TSHZ2: variants seen among roughly 807,000 people sequenced by gnomAD.
TSHZ2 encodes the protein teashirt homolog 2.
Under a neutral mutation model 74.4 loss-of-function variants are expected in TSHZ2, and 21 were observed. The ratio of observed to expected loss-of-function variants is 0.28; its 90% CI spans 0.20 to 0.41. The LOEUF is 0.41. Ranked by LOEUF, TSHZ2 falls within the 10% of genes least tolerant of loss-of-function variation. The pLI is 1.00. For synonymous variants in TSHZ2, 540 were observed against 515.3 expected, an observed-to-expected ratio of 1.05 and a Z score of -0.65; for missense variants, 1,244 against 1,293.5, an observed-to-expected ratio of 0.96 and a Z score of 0.59.
intron 2 of TSHZ2, among the ~76,000 whole-genome samples, chr20:53,271,325 C>T (rs939742880): frequency 6.6e-6 from 1 of 152,206 alleles, no homozygotes; most frequent in Non-Finnish European, 1.5e-5. Flanking sequence ...TATCAAGCAG[C>T]AGCAGGAAGG....
chr20:53,469,045 T>TATATATATATATATA (rs1985655239), intron 2 of TSHZ2, among the ~76,000 whole-genome samples: 4 of 49,112 alleles, frequency 8.1e-5, no homozygotes, highest in Non-Finnish European at 1.2e-4. Flanking sequence ...AATCGATATT[T>TATATATATATATATA]TATATATATA....
intron 2 of TSHZ2, among the ~76,000 whole-genome samples, chr20:53,318,299 G>T (rs892716073): frequency 6.6e-6 from 1 of 152,116 alleles, no homozygotes; most frequent in Non-Finnish European, 1.5e-5. Context: ...CTGGAAACAG[G>T]CACTTTATAA....
intron 1 of TSHZ2, among the ~76,000 whole-genome samples, chr20:53,016,210 T>C (rs1338232735): frequency 6.6e-6 from 1 of 152,180 alleles, no homozygotes; most frequent in East Asian, 1.9e-4. Flanking sequence ...CATTTTCCAA[T>C]TCAATCATTC....
At chr20:53,050,638 T>A (rs1342844577) in intron 1 of TSHZ2, among the ~76,000 whole-genome samples, 1 of 152,086 alleles carries the variant, frequency 6.6e-6, no homozygotes, top group Non-Finnish European at 1.5e-5. Flanking sequence ...GAAAGTTGAG[T>A]TGAGTTGGTT....
intron 1 of TSHZ2, among the ~76,000 whole-genome samples, chr20:53,180,280 A>G (rs938777452): frequency 1.3e-5 from 2 of 152,200 alleles, no homozygotes; most frequent in Non-Finnish European, 2.9e-5. Context: ...ACATTTTTGC[A>G]TTTGGGTAGA....
At chr20:53,473,022 G>A (rs140265719) in intron 2 of TSHZ2, among the ~76,000 whole-genome samples, 8 of 150,122 alleles carry the variant, frequency 5.3e-5, no homozygotes, top group East Asian at 2.0e-4. Context: ...ACGGAGTCTC[G>A]CTGATTGCTA....
rs181690725 is a variant in TSHZ2 at position 53,244,278 on chromosome 20, C to T, written c.41-9221C>T. On this transcript the variant is annotated intron_variant, in intron 1 of 2. Transcript: ENST00000371497. The stretch of plus-strand genomic sequence containing the variant: ...GTGAGTGTGTTTATATATCCTTATG[C>T]GGAATAAACGTATAGAAAATAAGCA... 4.1e-3 allele frequency among the ~76,000 whole-genome samples: 625 copies of T among 152,070 alleles called. 1 individual carries two copies. The highest frequency in any genetic ancestry group is 0.02 in the Middle Eastern group (6 of 294).
intron 1 of TSHZ2, among the ~76,000 whole-genome samples, chr20:53,226,157 C>CACAT (rs1989682871): frequency 1.6e-5 from 2 of 128,736 alleles, no homozygotes; most frequent in South Asian, 4.7e-4. Context: ...CACACACACA[C>CACAT]ACATGCACAC....
In TSHZ2 at chr20:53,413,458, C is replaced by A. The variant is rs528819505; in HGVS notation, c.*9-73686C>A. On this transcript the variant is annotated intron_variant, in intron 2 of 2. Coordinates refer to ENST00000371497, the MANE Select transcript of TSHZ2 (RefSeq NM_173485.6). ...AGCGGGAGATCACGTGAGCTACTAG[C>A]TTTGAATCTTAGTTCTACCACTTGC... Among the ~76,000 whole-genome samples, 95 of 152,228 alleles carry A rather than the reference C, an allele frequency of 6.2e-4. 1 individual carries two copies. Among genetic ancestry groups the A allele is most frequent in the Non-Finnish European group, 9.7e-4 (66 of 68,036 alleles).
At position 53,101,964 on chromosome 20, in the gene TSHZ2, GTTGGAATATCCC is replaced by G. The variant is rs1986231031; in HGVS notation, c.40+128633_40+128644del. 4.1e-5 allele frequency among the ~76,000 whole-genome samples: 6 copies of G among 148,026 alleles called. No individual in the cohort carries two copies. The South Asian group carries it at 1.3e-3, about 31-fold the overall frequency. ...GCGTCTTTTGAAATTTGTCCTCATTGTTGGAATATCCCTATGAGGACTTTTTTTTAATTTGGT... is the reference window on the plus strand; with the variant it reads ...GCGTCTTTTGAAATTTGTCCTCATTGTATGAGGACTTTTTTTTAATTTGGT... On this transcript the variant is annotated intron_variant, in intron 1 of 2. Coordinates refer to ENST00000371497, the MANE Select transcript of TSHZ2 (RefSeq NM_173485.6).
chr20:53,305,092 C>T (rs755030356), intron 2 of TSHZ2, among the ~76,000 whole-genome samples: 5 of 151,326 alleles, frequency 3.3e-5, no homozygotes, highest in Non-Finnish European at 7.4e-5. Context: ...CCCTCCACCA[C>T]GCCTGACTAA....
At chr20:53,472,509 A>G (rs141148136) in intron 2 of TSHZ2, among the ~76,000 whole-genome samples, 1 of 152,286 alleles carries the variant, frequency 6.6e-6, no homozygotes, top group East Asian at 1.9e-4. Flanking sequence ...TTATTGAAGT[A>G]GTTGTGAGAT....
chr20:53,230,790 G>T (rs982858737), intron 1 of TSHZ2, among the ~76,000 whole-genome samples: 13 of 151,950 alleles, frequency 8.6e-5, no homozygotes, highest in South Asian at 4.2e-4. Context: ...TACTCAGGAG[G>T]CTGAGGCAGG....
chr20:53,045,041 A>G (rs1984178149), intron 1 of TSHZ2, among the ~76,000 whole-genome samples: 1 of 152,140 alleles, frequency 6.6e-6, no homozygotes, highest in South Asian at 2.1e-4. Context: ...TCAGGATGAG[A>G]TAAGTTATGT....
At chr20:53,131,560 T>C (rs1477793145) in intron 1 of TSHZ2, among the ~76,000 whole-genome samples, 2 of 152,194 alleles carry the variant, frequency 1.3e-5, no homozygotes, top group African/African-American at 4.8e-5. Context: ...GAGAAACGAG[T>C]GGCCCCACTC....
At chr20:53,020,636 CACTT>C (rs2123031607) in intron 1 of TSHZ2, among the ~76,000 whole-genome samples, 1 of 152,242 alleles carries the variant, frequency 6.6e-6, no homozygotes, top group South Asian at 2.1e-4. Context: ...TGAATATCAC[CACTT>C]ACTTCCTGCA....
intron 1 of TSHZ2, among the ~76,000 whole-genome samples, chr20:53,115,640 A>G (rs549941441): frequency 8.5e-5 from 13 of 152,310 alleles, no homozygotes; most frequent in Non-Finnish European, 1.3e-4. Context: ...AATGACACAG[A>G]GCAAAGGAAT....
At chr20:53,224,251 ACAGTAAAGGG>A (rs919801676) in intron 1 of TSHZ2, among the ~76,000 whole-genome samples, 12 of 152,200 alleles carry the variant, frequency 7.9e-5, no homozygotes, top group African/African-American at 2.9e-4. Context: ...CCAGCAAAGA[ACAGTAAAGGG>A]GATATGCATG....
chr20:53,405,531 G>T (rs1982818841), intron 2 of TSHZ2, among the ~76,000 whole-genome samples: 1 of 152,184 alleles, frequency 6.6e-6, no homozygotes, highest in African/African-American at 2.4e-5. Flanking sequence ...TAACAGCTAG[G>T]TACTTTTTTA....
Sources: allele counts gnomAD v4.1 joint callset (sites outside exome capture counted in the v4.1 genomes callset), GRCh38; gene constraint gnomAD v4.1.1; transcripts MANE v1.5; gene names NCBI Gene and HGNC (gene_info 2026-07-23, HGNC 2026-07-21).